The following ARB2A variants were observed in gnomAD, a reference collection of about 807,000 sequenced individuals.
The protein encoded by ARB2A is cotranscriptional regulator ARB2A.
At chr5:93,895,044 C>A in the ARB2A span, among the ~76,000 whole-genome samples, 1 of 152,054 alleles carries the variant, frequency 6.6e-6, no homozygotes, top group South Asian at 2.1e-4. Flanking sequence ...AAGGCAAATG[C>A]GAGATTAGAC....
the ARB2A span, among the ~76,000 whole-genome samples, chr5:93,996,232 T>C: frequency 6.6e-6 from 1 of 152,096 alleles, no homozygotes; most frequent in Non-Finnish European, 1.5e-5. Context: ...TACATACACA[T>C]GCACAAGTAT....
chr5:93,658,630 T>C, the ARB2A span, among the ~76,000 whole-genome samples: 14 of 152,228 alleles, frequency 9.2e-5, no homozygotes, highest in Admixed American at 9.2e-4. Flanking sequence ...TAATTGTTTA[T>C]AAGGAAATAA....
chr5:93,946,144 A>G, the ARB2A span, among the ~76,000 whole-genome samples: 33 of 152,300 alleles, frequency 2.2e-4, no homozygotes, highest in African/African-American at 7.2e-4. Context: ...ATGAGGGCAT[A>G]TATCAAGAAA....
chr5:93,751,858 A>T, the ARB2A span, among the ~76,000 whole-genome samples: 2 of 152,196 alleles, frequency 1.3e-5, no homozygotes, highest in African/African-American at 4.8e-5. Flanking sequence ...ACATGGGGGC[A>T]CACAGAATGT....
chr5:93,909,029 G>A, the ARB2A span, among the ~76,000 whole-genome samples: 1 of 150,966 alleles, frequency 6.6e-6, no homozygotes, highest in East Asian at 1.9e-4. Flanking sequence ...AATAACAAAA[G>A]CTTTTTGAAA....
At chr5:94,099,254 T>C in the ARB2A span, among the ~76,000 whole-genome samples, 2 of 152,054 alleles carry the variant, frequency 1.3e-5, no homozygotes, top group South Asian at 2.1e-4. Flanking sequence ...TCAAATCCAA[T>C]AGCACATCAA....
the ARB2A span, among the ~76,000 whole-genome samples, chr5:93,635,811 A>T: frequency 6.6e-6 from 1 of 152,136 alleles, no homozygotes; most frequent in African/African-American, 2.4e-5. Context: ...ACCTTATTTT[A>T]CTGCCAAATC....
the ARB2A span, among the ~76,000 whole-genome samples, chr5:93,654,243 A>G: frequency 3.3e-5 from 5 of 152,192 alleles, no homozygotes; most frequent in African/African-American, 1.2e-4. Context: ...AAAAGAGTTT[A>G]TGGTGACCAT....
the ARB2A span, among the ~76,000 whole-genome samples, chr5:93,912,889 T>A: frequency 6.6e-6 from 1 of 151,834 alleles, no homozygotes; most frequent in African/African-American, 2.4e-5. Flanking sequence ...TTATTTTTCA[T>A]GTAAAGGAAG....
the ARB2A span, among the ~76,000 whole-genome samples, chr5:93,976,121 T>C: frequency 2.0e-3 from 298 of 152,240 alleles, 2 homozygotes; most frequent in African/African-American, 6.9e-3. Context: ...ATTACATAAA[T>C]AGAATTAAAA....
At chr5:93,907,515 C>T in the ARB2A span, among the ~76,000 whole-genome samples, 1 of 151,176 alleles carries the variant, frequency 6.6e-6, no homozygotes, top group African/African-American at 2.4e-5. Context: ...TCTAATAGGG[C>T]AACAATGGCA....
chr5:93,757,029 G>C, the ARB2A span, among the ~76,000 whole-genome samples: 3 of 152,210 alleles, frequency 2.0e-5, no homozygotes, highest in South Asian at 6.2e-4. Context: ...TTAAAGAAAG[G>C]ACAATCGAAA....
chr5:93,973,931 T>C, the ARB2A span, among the ~76,000 whole-genome samples: 2 of 152,194 alleles, frequency 1.3e-5, no homozygotes, highest in Non-Finnish European at 2.9e-5. Context: ...AGAATGATAC[T>C]TGCTACCACA....
the ARB2A span, among the ~76,000 whole-genome samples, chr5:93,894,157 C>G: frequency 2.0e-5 from 3 of 152,082 alleles, no homozygotes; most frequent in Non-Finnish European, 4.4e-5. Flanking sequence ...GAAGTACATC[C>G]TTTAAATACA....
chr5:94,007,577 AG>A, the ARB2A span, among the ~76,000 whole-genome samples: 1 of 152,178 alleles, frequency 6.6e-6, no homozygotes, highest in East Asian at 1.9e-4. Context: ...GTTCGAGACC[AG>A]CCTTGCCAGC....
chr5:93,648,935 C>T, the ARB2A span, among the ~76,000 whole-genome samples: 429 of 152,164 alleles, frequency 2.8e-3, 4 homozygotes, highest in African/African-American at 9.8e-3. Flanking sequence ...ACAAGCATAT[C>T]TTATTATAAA....
the ARB2A span, among the ~76,000 whole-genome samples, chr5:93,659,815 C>T: frequency 0.018 from 2,805 of 152,204 alleles, 89 homozygotes; most frequent in African/African-American, 0.064. Context: ...ATTATAAACA[C>T]GTCTATCCAC....
At chr5:93,667,622 G>A in the ARB2A span, among the ~76,000 whole-genome samples, 2 of 151,978 alleles carry the variant, frequency 1.3e-5, no homozygotes, top group African/African-American at 2.4e-5. Flanking sequence ...GGTCCAGCTC[G>A]CTTATTTATT....
At chr5:93,861,382 T>C in the ARB2A span, 2 of 151,616 alleles carry the variant, frequency 1.3e-5, no homozygotes, top group African/African-American at 4.8e-5. Flanking sequence ...TCCACGAAAC[T>C]TGCCCTGGAT....
Sources: gnomAD v4.1 joint callset for allele counts (sites outside exome capture counted in the v4.1 genomes callset) on GRCh38, gnomAD v4.1.1 for gene constraint, MANE v1.5 for transcripts, NCBI Gene and HGNC (gene_info 2026-07-23, HGNC 2026-07-21) for gene names.